The following FLACC1 variants were observed in gnomAD, a reference collection of about 807,000 sequenced individuals.
The protein encoded by FLACC1 is flagellum-associated coiled-coil domain-containing protein 1.
A neutral mutation model predicts 62.8 loss-of-function variants in FLACC1; 66 were observed. The observed-to-expected ratio is 1.05, with a 90% confidence interval of 0.86 to 1.29. The LOEUF is 1.29. Among genes scored for constraint, FLACC1 ranks in the 50% most tolerant of loss-of-function variants. The probability of loss-of-function intolerance (pLI) is 0.00; values close to 1 mark genes in which losing one functional copy is unlikely to be tolerated. For synonymous variants in FLACC1, 156 were observed against 161.0 expected (o/e 0.97, Z 0.24); for missense variants, 452 against 489.1 (o/e 0.92, Z 0.71).
At chr2:201,300,536 A>G (rs1306589812) in intron 11 of FLACC1, among the ~76,000 whole-genome samples, 1 of 152,186 alleles carries the variant, frequency 6.6e-6, no homozygotes, top group African/African-American at 2.4e-5. Flanking sequence ...AAACTTCTGC[A>G]GACTTAAACA....
chr2:201,323,021 T>G (rs1326366202), intron 9 of FLACC1, among the ~76,000 whole-genome samples: 5 of 152,014 alleles, frequency 3.3e-5, no homozygotes, highest in African/African-American at 1.2e-4. Flanking sequence ...GTTTTTAAAC[T>G]AACCCAATCA....
intron 9 of FLACC1, among the ~76,000 whole-genome samples, chr2:201,317,893 T>C: frequency 6.6e-6 from 1 of 152,160 alleles, no homozygotes; most frequent in East Asian, 1.9e-4. Context: ...GGTATAAATA[T>C]AGGCACATAG....
At chr2:201,299,997 T>A (rs1949943864) in intron 11 of FLACC1, among the ~76,000 whole-genome samples, 1 of 152,004 alleles carries the variant, frequency 6.6e-6, no homozygotes, top group South Asian at 2.1e-4. Flanking sequence ...CCAGCATGAG[T>A]GATGCAGAAG....
At chr2:201,297,014 T>C (rs1312787504) in intron 12 of FLACC1, among the ~76,000 whole-genome samples, 1 of 152,040 alleles carries the variant, frequency 6.6e-6, no homozygotes, top group Non-Finnish European at 1.5e-5. Context: ...TGGATTATGT[T>C]ATAGAGGATT....
intron 6 of FLACC1, among the ~76,000 whole-genome samples, chr2:201,342,691 CTA>C (rs1950836159): frequency 6.6e-6 from 1 of 152,214 alleles, no homozygotes; most frequent in Non-Finnish European, 1.5e-5. Context: ...CTTTCACTGA[CTA>C]TTTTTTTTGG....
In FLACC1 at chr2:201,342,381, T is replaced by G; in HGVS notation, c.513A>C (p.Glu171Asp). ...GCCAGAAAGTGTACCTGTTCTTGTT[T>G]TCAAAGTTCTGTTTCATCTCAGCAC... ...LRCAEMKQNF[E>D]NKNRELKEAH... The change falls in exon 7 of 15, where the codon GAA (glutamate) becomes GAC (aspartate). Residue 171 changes from glutamate (E) to aspartate (D), a missense_variant. This residue lies in a region of FLACC1 where 301 missense variants were observed against 318.4 expected (regional missense o/e 0.95). Coordinates refer to ENST00000392257, the MANE Select transcript of FLACC1 (RefSeq NM_001127391.3). 6.2e-7 allele frequency: 1 copy of G among 1,614,254 alleles called. No homozygotes were observed. The highest frequency in any genetic ancestry group is 8.5e-7 in the Non-Finnish European group (1 of 1,180,040).
upstream of FLACC1, among the ~76,000 whole-genome samples, chr2:201,361,665 A>G (rs184687327): frequency 1.1e-4 from 16 of 152,348 alleles, no homozygotes; most frequent in Non-Finnish European, 7.3e-5. Flanking sequence ...GAGAGATGGT[A>G]AAAACAGCCA....
At chr2:201,325,289 T>C (rs1356312836) in intron 9 of FLACC1, among the ~76,000 whole-genome samples, 7 of 150,980 alleles carry the variant, frequency 4.6e-5, no homozygotes, top group African/African-American at 7.3e-5. Flanking sequence ...AGTCCAAAGA[T>C]AGAAGAAAAG....
chr2:201,353,987 G>T (rs979690708), intron 1 of FLACC1, among the ~76,000 whole-genome samples: 21 of 152,194 alleles, frequency 1.4e-4, no homozygotes, highest in African/African-American at 5.1e-4. Flanking sequence ...AGTGATAGCA[G>T]ATTTAACTCA....
chr2:201,323,361 T>C, intron 9 of FLACC1, among the ~76,000 whole-genome samples: 1 of 152,172 alleles, frequency 6.6e-6, no homozygotes, highest in East Asian at 1.9e-4. Context: ...AGGTAAGCTA[T>C]AAAGGAAAAC....
At chr2:201,294,404 G>A (rs1007254469) in intron 12 of FLACC1, among the ~76,000 whole-genome samples, 6 of 152,054 alleles carry the variant, frequency 3.9e-5, no homozygotes, top group South Asian at 2.1e-4. Flanking sequence ...CATATAAACC[G>A]AACCAATGAC....
intron 9 of FLACC1, among the ~76,000 whole-genome samples, chr2:201,323,592 G>C (rs1010061436): frequency 7.9e-5 from 12 of 152,004 alleles, no homozygotes; most frequent in African/African-American, 2.7e-4. Context: ...AATGCTACCA[G>C]CCTGGCCACA....
At chr2:201,321,152 T>A (rs1266708132) in intron 9 of FLACC1, among the ~76,000 whole-genome samples, 2 of 152,160 alleles carry the variant, frequency 1.3e-5, no homozygotes, top group Admixed American at 6.5e-5. Context: ...GCCACGCCCA[T>A]TAGAACTGGT....
Position 201,326,250 on chromosome 2 carries a change from G to A in FLACC1, c.675+4220C>T, listed in dbSNP as rs760120869. On this transcript the variant is annotated intron_variant, in intron 9 of 14. Coordinates refer to ENST00000392257, the MANE Select transcript of FLACC1 (RefSeq NM_001127391.3). The surrounding 1 kb of genome is among the most constrained non-coding windows in gnomAD (Gnocchi z 4.1). ...GTTGAAAGCATTCCCCTTGAGAACC[G>A]GAACAAGACAAGATGGCCACCTTCA... Among the ~76,000 whole-genome samples the A allele has an allele frequency of 3.3e-5, 5 of 152,106 alleles. No individual in the cohort carries two copies. The highest frequency in any genetic ancestry group is 6.5e-5 in the Admixed American group (1 of 15,272).
rs756935685 is a variant in FLACC1 at position 201,354,675 on chromosome 2, C to T, written c.-48+2307G>A. 1.3e-4 allele frequency among the ~76,000 whole-genome samples: 20 copies of T among 152,118 alleles called. 1 individual carries two copies. Among genetic ancestry groups the T allele is most frequent in the Non-Finnish European group, 2.5e-4 (17 of 68,008 alleles). On this transcript the variant is annotated intron_variant, in intron 1 of 14. Transcript: ENST00000392257. ...GTGAGAGTCTGAAAGAAGGCTACAACAGTAGCAAAAAAGAAACTGCTTCTG... is the reference window on the plus strand; with the variant it reads ...GTGAGAGTCTGAAAGAAGGCTACAATAGTAGCAAAAAAGAAACTGCTTCTG...
chr2:201,304,524 T>A (rs1200878779), intron 11 of FLACC1, among the ~76,000 whole-genome samples: 1 of 152,160 alleles, frequency 6.6e-6, no homozygotes, highest in Non-Finnish European at 1.5e-5. Flanking sequence ...ATTTACAGAT[T>A]CAATGCCATC....
Position 201,346,461 on chromosome 2 carries a change from C to T in FLACC1, c.368+81G>A, listed in dbSNP as rs1050754483. Reference sequence around the variant, plus strand: ...ACCAGTGGCCTGGGTGTGGGCATAGCGGCTTTGGCTTGTCCCTGAGGCCGG... The same window carrying T: ...ACCAGTGGCCTGGGTGTGGGCATAGTGGCTTTGGCTTGTCCCTGAGGCCGG... On this transcript the variant is annotated intron_variant, in intron 5 of 14. Transcript: ENST00000392257. The surrounding 1 kb of genome is among the most constrained non-coding windows in gnomAD (Gnocchi z 4.0). 49 of 1,580,248 alleles carry T rather than the reference C, an allele frequency of 3.1e-5. 1 individual carries two copies. The South Asian group carries it at 3.3e-4, about 11-fold the overall frequency.
Position 201,325,734 on chromosome 2 carries a change from C to CA in FLACC1, c.675+4735_675+4736insT, listed in dbSNP as rs1215032247. 2.1e-4 allele frequency among the ~76,000 whole-genome samples: 32 copies of CA among 152,280 alleles called. No individual in the cohort carries two copies. In the South Asian group the frequency reaches 6.2e-3, roughly 30 times the overall value. On this transcript the variant is annotated intron_variant, in intron 9 of 14. Transcript: ENST00000392257. ...GACTAGATGGATTCACAGCTGAATT[C>CA]CACCAGATGTTCAATGAAGAATTGG...
At chr2:201,321,074 C>T (rs529366465) in intron 9 of FLACC1, among the ~76,000 whole-genome samples, 1 of 152,300 alleles carries the variant, frequency 6.6e-6, no homozygotes, top group African/African-American at 2.4e-5. Flanking sequence ...CTACTAAAAC[C>T]AGTGTTCGAG....
Sources: allele counts gnomAD v4.1 joint callset (sites outside exome capture counted in the v4.1 genomes callset), GRCh38; gene constraint gnomAD v4.1.1; regional missense constraint gnomAD v4.1.1; non-coding constraint Gnocchi (gnomAD v3.1); transcripts MANE v1.5; gene names NCBI Gene and HGNC (gene_info 2026-07-23, HGNC 2026-07-21).